METTL25: variants seen among roughly 807,000 people sequenced by gnomAD.
METTL25 encodes methyltransferase like 25.
A neutral mutation model predicts 71.6 loss-of-function variants in METTL25; 64 were observed. The observed-to-expected ratio is 0.89, with a 90% CI of 0.73 to 1.10. METTL25 has a LOEUF of 1.10. Ranked by LOEUF, METTL25 falls within the 50% of genes least tolerant of loss-of-function variation. The pLI, the probability that METTL25 is intolerant of heterozygous loss-of-function variation, is 0.00. For missense variants in METTL25, 807 were observed against 707.0 expected (o/e 1.14, Z -1.60); for synonymous variants, 287 against 250.3 (o/e 1.15, Z -1.38).
chr12:82,367,381 T>C (rs899717583), intron 1 of METTL25, among the ~76,000 whole-genome samples: 1 of 152,224 alleles, frequency 6.6e-6, no homozygotes, highest in Non-Finnish European at 1.5e-5. Flanking sequence ...AAAAAAACTT[T>C]TCTACATGAT....
At chr12:82,389,728 C>T in intron 2 of METTL25, 88 bp from the exon 3 acceptor site, 1 of 761,776 alleles carries the variant, frequency 1.3e-6, no homozygotes, top group Non-Finnish European at 2.2e-6. Context: ...TATTTTCCTA[C>T]TTAATTTCAA....
At chr12:82,457,246 G>A (rs895805601) in intron 9 of METTL25, among the ~76,000 whole-genome samples, 1 of 151,786 alleles carries the variant, frequency 6.6e-6, no homozygotes, top group African/African-American at 2.4e-5. Flanking sequence ...ATCATAGGAG[G>A]CCCAAGTTAG....
intron 9 of METTL25, among the ~76,000 whole-genome samples, chr12:82,457,743 A>G (rs1592756136): frequency 6.6e-6 from 1 of 152,096 alleles, no homozygotes; most frequent in African/African-American, 2.4e-5. Flanking sequence ...CTTTGTATGT[A>G]CTATGAGTAA....
intron 5 of METTL25, among the ~76,000 whole-genome samples, chr12:82,425,433 C>A (rs1209796055): frequency 1.3e-5 from 2 of 151,912 alleles, no homozygotes; most frequent in Non-Finnish European, 1.5e-5. Context: ...GATGAGTCAG[C>A]AAGGGAGTAT....
chr12:82,475,989 A>G (rs1005859254), intron 9 of METTL25, among the ~76,000 whole-genome samples: 3 of 152,096 alleles, frequency 2.0e-5, no homozygotes, highest in African/African-American at 7.2e-5. Context: ...AGGGATACTC[A>G]ACCTGTATAT....
chr12:82,381,585 A>G (rs1237499092), intron 1 of METTL25, among the ~76,000 whole-genome samples: 2 of 152,222 alleles, frequency 1.3e-5, no homozygotes. Context: ...GATAGTATAT[A>G]TTCTATTTTC....
intron 9 of METTL25, among the ~76,000 whole-genome samples, chr12:82,458,558 C>G (rs1891649302): frequency 6.6e-6 from 1 of 152,084 alleles, no homozygotes; most frequent in South Asian, 2.1e-4. Context: ...GAGAGAACCA[C>G]TCATAAGAGA....
chr12:82,404,709 G>A (rs1482271240), intron 5 of METTL25, among the ~76,000 whole-genome samples: 2 of 152,092 alleles, frequency 1.3e-5, no homozygotes, highest in Admixed American at 6.5e-5. Flanking sequence ...TTGGGAGGCC[G>A]AGGCAGGCAG....
At chr12:82,416,978 T>C (rs1418184284) in intron 5 of METTL25, among the ~76,000 whole-genome samples, 2 of 152,144 alleles carry the variant, frequency 1.3e-5, no homozygotes, top group Non-Finnish European at 2.9e-5. Flanking sequence ...ATTATAAAAC[T>C]ATAAAATTCT....
chr12:82,360,347 A>G (rs150554726), intron 1 of METTL25, among the ~76,000 whole-genome samples: 2 of 152,044 alleles, frequency 1.3e-5, no homozygotes, highest in Non-Finnish European at 2.9e-5. Context: ...GCCTTGCAAG[A>G]TAGGTTCTGT....
intron 9 of METTL25, among the ~76,000 whole-genome samples, chr12:82,466,104 A>T (rs1892215461): frequency 6.8e-6 from 1 of 148,136 alleles, no homozygotes. Context: ...TTCTGCTCTG[A>T]TCTTAATTTT....
At position 82,436,892 on chromosome 12, in the gene METTL25, A is replaced by G. The variant is rs148318085; in HGVS notation, c.1405-1826A>G. Among the ~76,000 whole-genome samples the G allele has an allele frequency of 7.6e-3, 1,151 of 151,732 alleles. 11 individuals are homozygous for G. Among genetic ancestry groups the G allele is most frequent in the African/African-American group, 0.027 (1,116 of 41,496 alleles). ...ACTTTGTAAGCCATTTATAGTACTA[A>G]TATTTAAATTCATGCAATAGTAGAC... On this transcript the variant is annotated intron_variant, in intron 7 of 11. Transcript: ENST00000248306.
chr12:82,465,887 T>G (rs1892197674), intron 9 of METTL25, among the ~76,000 whole-genome samples: 1 of 151,918 alleles, frequency 6.6e-6, no homozygotes, highest in African/African-American at 2.4e-5. Flanking sequence ...TTTTTTGGTG[T>G]ATAGCTGTTC....
intron 8 of METTL25, among the ~76,000 whole-genome samples, chr12:82,444,492 G>T (rs138548142): frequency 2.0e-5 from 3 of 152,126 alleles, no homozygotes; most frequent in African/African-American, 7.2e-5. Context: ...TAAGTACACA[G>T]ACAAAATTCC....
chr12:82,426,278 G>A (rs1565855642), intron 5 of METTL25, among the ~76,000 whole-genome samples: 1 of 152,058 alleles, frequency 6.6e-6, no homozygotes, highest in Admixed American at 6.6e-5. Flanking sequence ...AAAGGTGTGA[G>A]GCCACTGTGA....
At chr12:82,434,416 A>G (rs1889757913) in intron 6 of METTL25, among the ~76,000 whole-genome samples, 1 of 151,512 alleles carries the variant, frequency 6.6e-6, no homozygotes, top group South Asian at 2.1e-4. Context: ...CCTGTTTTCT[A>G]ATTCCTTCTG....
At chr12:82,376,571 G>A (rs936760134) in intron 1 of METTL25, among the ~76,000 whole-genome samples, 3 of 152,074 alleles carry the variant, frequency 2.0e-5, no homozygotes, top group Non-Finnish European at 2.9e-5. Flanking sequence ...CTTTGACAAC[G>A]GTTATTTCTC....
chr12:82,363,642 A>C (rs145490928), intron 1 of METTL25, among the ~76,000 whole-genome samples: 1,616 of 152,198 alleles, frequency 0.011, 6 homozygotes, highest in Non-Finnish European at 0.016. Flanking sequence ...ATAGAACAAC[A>C]ACCACCACAA....
At chr12:82,363,643 A>G (rs552326136) in intron 1 of METTL25, among the ~76,000 whole-genome samples, 1 of 152,054 alleles carries the variant, frequency 6.6e-6, no homozygotes, top group African/African-American at 2.4e-5. Context: ...TAGAACAACA[A>G]CCACCACAAA....
Sources: gnomAD v4.1 joint callset for allele counts (sites outside exome capture counted in the v4.1 genomes callset) on GRCh38, gnomAD v4.1.1 for gene constraint, MANE v1.5 for transcripts, NCBI Gene and HGNC (gene_info 2026-07-23, HGNC 2026-07-21) for gene names.